GRIK3: variants seen among roughly 807,000 people sequenced by gnomAD.
The protein encoded by GRIK3 is glutamate ionotropic receptor kainate type subunit 3.
A neutral mutation model predicts 102.5 loss-of-function variants in GRIK3; 29 were observed. The observed-to-expected ratio is 0.28, with a 90% CI of 0.21 to 0.39. GRIK3 has a LOEUF of 0.39. Among genes scored for constraint, GRIK3 ranks in the 10% least tolerant of loss-of-function variants. The probability of loss-of-function intolerance (pLI) is 1.00; values close to 1 mark genes in which losing one functional copy is unlikely to be tolerated. For synonymous variants in GRIK3, 511 were observed against 504.9 expected, an observed-to-expected ratio of 1.01 and a Z score of -0.16; for missense variants, 908 against 1,252.4, an observed-to-expected ratio of 0.73 and a Z score of 4.15.
chr1:36,979,818 C>T (rs1012113185), intron 1 of GRIK3, among the ~76,000 whole-genome samples: 2 of 152,218 alleles, frequency 1.3e-5, no homozygotes, highest in African/African-American at 4.8e-5. Context: ...GGAGGGAGAA[C>T]AAGCCTGGCT....
At chr1:36,837,605 C>T (rs962185534) in intron 10 of GRIK3, among the ~76,000 whole-genome samples, 2 of 152,152 alleles carry the variant, frequency 1.3e-5, no homozygotes, top group African/African-American at 2.4e-5. Flanking sequence ...GATGTCACCC[C>T]CTGGCTCCAC....
chr1:36,824,595 A>T (rs1002888150), intron 11 of GRIK3, among the ~76,000 whole-genome samples: 1 of 152,096 alleles, frequency 6.6e-6, no homozygotes, highest in Non-Finnish European at 1.5e-5. Flanking sequence ...AAGGCTGAAA[A>T]CGCCAAGTCA....
chr1:36,839,522 A>G (rs1269300403), intron 10 of GRIK3, among the ~76,000 whole-genome samples: 1 of 152,180 alleles, frequency 6.6e-6, no homozygotes, highest in Non-Finnish European at 1.5e-5. Context: ...CCCCCTCCCC[A>G]GCCTCCAAGG....
intron 15 of GRIK3, 25 bp downstream of exon 15, chr1:36,804,962 G>T: frequency 1.2e-6 from 2 of 1,612,860 alleles, no homozygotes; most frequent in Non-Finnish European, 1.7e-6. Flanking sequence ...CCCATCCTGT[G>T]CAGGCTCCAA....
At chr1:36,963,054 T>C (rs1287470999) in intron 1 of GRIK3, among the ~76,000 whole-genome samples, 1 of 151,408 alleles carries the variant, frequency 6.6e-6, no homozygotes, top group Non-Finnish European at 1.5e-5. Context: ...AGAGAGGAAC[T>C]TGGAAGGGGG....
chr1:36,824,664 G>GA (rs983166770), intron 11 of GRIK3, among the ~76,000 whole-genome samples: 2 of 151,916 alleles, frequency 1.3e-5, no homozygotes, highest in Admixed American at 6.6e-5. Context: ...AGGATTTAGA[G>GA]AAAAAAAAGG....
intron 15 of GRIK3, among the ~76,000 whole-genome samples, chr1:36,803,835 C>T (rs1455741573): frequency 6.6e-6 from 1 of 152,194 alleles, no homozygotes; most frequent in Non-Finnish European, 1.5e-5. Context: ...TGTTGTTAGA[C>T]ATTTAGGTGT....
chr1:36,974,385 A>G (rs1642174087), intron 1 of GRIK3, among the ~76,000 whole-genome samples: 1 of 152,244 alleles, frequency 6.6e-6, no homozygotes, highest in African/African-American at 2.4e-5. Flanking sequence ...TAACACATGC[A>G]TATATTAAAA....
chr1:36,983,732 T>C (rs1395006068), intron 1 of GRIK3, among the ~76,000 whole-genome samples: 1 of 152,156 alleles, frequency 6.6e-6, no homozygotes, highest in Non-Finnish European at 1.5e-5. Flanking sequence ...CCAGTTTAAA[T>C]TAAGTTCCCC....
At chr1:36,922,791 G>C (rs1346828410) in intron 1 of GRIK3, among the ~76,000 whole-genome samples, 1 of 152,088 alleles carries the variant, frequency 6.6e-6, no homozygotes, top group Non-Finnish European at 1.5e-5. Context: ...TGTCTGCTGC[G>C]ACTCCCTTCT....
chr1:37,033,193 A>G (rs577217318), intron 1 of GRIK3, among the ~76,000 whole-genome samples: 107 of 152,250 alleles, frequency 7.0e-4, no homozygotes, highest in Non-Finnish European at 1.5e-3. Context: ...CGGCGAGAAG[A>G]GACGCGGAGA....
rs371506234 is a variant in GRIK3, at chr1:36,805,247, G to C, written c.2315-10C>G. ...TCCCGGTATGGGGAGCCTGAGCAGG[G>C]AGAAGGGACCCCTAGCCATCAGTGG... On this transcript the variant is annotated splice_polypyrimidine_tract_variant and intron_variant, in intron 14 of 15. Transcript: ENST00000373091. The C allele has an allele frequency of 6.2e-7, 1 of 1,600,008 alleles. No individual in the cohort carries two copies. The highest frequency in any genetic ancestry group is 2.2e-5 in the East Asian group (1 of 44,760).
intron 11 of GRIK3, among the ~76,000 whole-genome samples, chr1:36,820,090 C>A (rs1212273232): frequency 6.6e-6 from 1 of 152,220 alleles, no homozygotes; most frequent in Non-Finnish European, 1.5e-5. Context: ...GCCCTTCAGG[C>A]TCCCAGTTCT....
chr1:36,858,301 C>A (rs1293607607), intron 7 of GRIK3, among the ~76,000 whole-genome samples: 2 of 152,198 alleles, frequency 1.3e-5, no homozygotes, highest in Non-Finnish European at 2.9e-5. Context: ...TACTGAAGAT[C>A]AAAGAGTTAA....
chr1:36,965,791 T>C (rs6693285), intron 1 of GRIK3, among the ~76,000 whole-genome samples: 22,959 of 152,052 alleles, frequency 0.15, 2,696 homozygotes, highest in African/African-American at 0.34. Flanking sequence ...GGAGGGTAAT[T>C]TAAGCAAAAA....
intron 1 of GRIK3, among the ~76,000 whole-genome samples, chr1:37,032,673 G>C (rs1642840952): frequency 6.6e-6 from 1 of 152,196 alleles, no homozygotes; most frequent in African/African-American, 2.4e-5. Flanking sequence ...TGCCTCCGGT[G>C]CTGGTGTTTG....
chr1:36,857,971 A>T (rs776248478), intron 7 of GRIK3, among the ~76,000 whole-genome samples: 1 of 152,202 alleles, frequency 6.6e-6, no homozygotes, highest in Non-Finnish European at 1.5e-5. Flanking sequence ...TGCCAGTCAC[A>T]AAGTGGGATT....
intron 1 of GRIK3, among the ~76,000 whole-genome samples, chr1:36,932,255 C>A (rs965428869): frequency 2.6e-5 from 4 of 152,146 alleles, no homozygotes; most frequent in Non-Finnish European, 5.9e-5. Flanking sequence ...TGTTTTAATT[C>A]TTATCATGCT....
At chr1:36,998,836 A>T (rs926019124) in intron 1 of GRIK3, among the ~76,000 whole-genome samples, 1 of 152,194 alleles carries the variant, frequency 6.6e-6, no homozygotes, top group African/African-American at 2.4e-5. Flanking sequence ...CCCCAGAACC[A>T]CTGAAGGGCC....
Sources: allele counts gnomAD v4.1 joint callset (sites outside exome capture counted in the v4.1 genomes callset), GRCh38; gene constraint gnomAD v4.1.1; transcripts MANE v1.5; gene names NCBI Gene and HGNC (gene_info 2026-07-23, HGNC 2026-07-21).